Variants in FAM114A1 observed in about 807,000 individuals in gnomAD.
FAM114A1 encodes family with sequence similarity 114 member A1, also known as protein NOXP20.
Under a neutral mutation model 64.3 loss-of-function variants are expected in FAM114A1, and 62 were observed. The observed-to-expected ratio is 0.96, with a 90% CI of 0.79 to 1.19. The LOEUF is 1.19. Among genes scored for constraint, FAM114A1 ranks in the 50% most tolerant of loss-of-function variants. FAM114A1 has a pLI of 0.00. For missense variants in FAM114A1, 645 were observed against 676.3 expected (o/e 0.95, Z 0.51); for synonymous variants, 254 against 251.1 (o/e 1.01, Z -0.11).
intron 3 of FAM114A1, among the ~76,000 whole-genome samples, chr4:38,886,159 A>G (rs1300735769): frequency 6.6e-6 from 1 of 151,370 alleles, no homozygotes; most frequent in Admixed American, 6.6e-5. Flanking sequence ...AGGTGAATAC[A>G]GAAGATAAGC....
intron 13 of FAM114A1, among the ~76,000 whole-genome samples, chr4:38,940,410 G>T (rs1295522809): frequency 2.6e-5 from 4 of 152,012 alleles, no homozygotes; most frequent in Non-Finnish European, 4.4e-5. Flanking sequence ...CCAGGGCTTA[G>T]ACTAGGTTAG....
At chr4:38,918,299 G>C (rs1172782122) in intron 8 of FAM114A1, among the ~76,000 whole-genome samples, 5 of 152,134 alleles carry the variant, frequency 3.3e-5, no homozygotes, top group Non-Finnish European at 7.4e-5. Flanking sequence ...CTTCACTCCT[G>C]TAATAGTCCA....
In FAM114A1 at chr4:38,931,989, C is replaced by G. The variant is rs112848617; in HGVS notation, c.1324-246C>G. 7.0e-3 allele frequency among the ~76,000 whole-genome samples: 1,065 copies of G among 152,312 alleles called. 7 individuals carry two copies. Among genetic ancestry groups the G allele is most frequent in the African/African-American group, 0.025 (1,034 of 41,560 alleles). ...TTCTTTAGCACCTGCCTGTTTTGTA[C>G]CCAGCATTGCTGTAAGCACTGGGGA... On this transcript the variant is annotated intron_variant, in intron 11 of 14. Coordinates refer to ENST00000358869, the MANE Select transcript of FAM114A1 (RefSeq NM_138389.4).
At chr4:38,911,848 T>A (rs13120937) in intron 7 of FAM114A1, among the ~76,000 whole-genome samples, 7 of 90,144 alleles carry the variant, frequency 7.8e-5, no homozygotes, top group African/African-American at 2.8e-4. Context: ...TTTTTTCTTT[T>A]TTTTTCTTTT....
chr4:38,923,507 C>T (rs1211171556), intron 9 of FAM114A1, among the ~76,000 whole-genome samples: 7 of 152,038 alleles, frequency 4.6e-5, no homozygotes, highest in African/African-American at 1.2e-4. Flanking sequence ...AGGCATGAGC[C>T]GCCTTGCCTG....
Position 38,901,390 on chromosome 4 carries a change from C to T in FAM114A1, c.437-4132C>T, listed in dbSNP as rs191731612. Reference sequence around the variant, plus strand: ...TGCACCCATGCCTCCTGGGTTCAAGCGATTCTCCTGCCTCAGCCTCCCAAG... The same window carrying T: ...TGCACCCATGCCTCCTGGGTTCAAGTGATTCTCCTGCCTCAGCCTCCCAAG... On this transcript the variant is annotated intron_variant, in intron 4 of 14. Coordinates refer to ENST00000358869, the MANE Select transcript of FAM114A1 (RefSeq NM_138389.4). 6.6e-5 allele frequency among the ~76,000 whole-genome samples: 10 copies of T among 152,226 alleles called. No individual in the cohort carries two copies. The East Asian group carries it at 1.7e-3, about 26-fold the overall frequency.
chr4:38,898,381 G>C (rs545862682), intron 4 of FAM114A1, among the ~76,000 whole-genome samples: 1 of 152,098 alleles, frequency 6.6e-6, no homozygotes, highest in Admixed American at 6.6e-5. Flanking sequence ...TAGCAGCCCG[G>C]TCAGAAATGA....
intron 13 of FAM114A1, among the ~76,000 whole-genome samples, chr4:38,937,506 G>T (rs944860673): frequency 7.9e-5 from 12 of 152,136 alleles, no homozygotes; most frequent in Admixed American, 3.3e-4. Context: ...TGACCAATAT[G>T]ACCTCATCCT....
chr4:38,908,244 C>T (rs1461241348), intron 6 of FAM114A1, among the ~76,000 whole-genome samples: 1 of 152,018 alleles, frequency 6.6e-6, no homozygotes, highest in Non-Finnish European at 1.5e-5. Context: ...AATTTTATGT[C>T]TTAGCAATTT....
intron 13 of FAM114A1, among the ~76,000 whole-genome samples, chr4:38,939,757 C>G (rs1721436870): frequency 6.6e-6 from 1 of 152,202 alleles, no homozygotes; most frequent in African/African-American, 2.4e-5. Context: ...TGCATCCTCT[C>G]TCTCTCCAAT....
chr4:38,943,073 G>A (rs556819120), intron 14 of FAM114A1, among the ~76,000 whole-genome samples: 1 of 151,914 alleles, frequency 6.6e-6, no homozygotes, highest in East Asian at 1.9e-4. Flanking sequence ...CACGCCCGTA[G>A]TCCCAGCTAC....
chr4:38,940,470 G>T (rs966395237), intron 13 of FAM114A1, among the ~76,000 whole-genome samples: 22 of 151,752 alleles, frequency 1.4e-4, no homozygotes, highest in African/African-American at 5.1e-4. Context: ...GCCCAAAAAA[G>T]AAACAGAAAA....
At chr4:38,933,150 C>G (rs569113667) in intron 12 of FAM114A1, among the ~76,000 whole-genome samples, 2 of 152,218 alleles carry the variant, frequency 1.3e-5, no homozygotes, top group African/African-American at 4.8e-5. Flanking sequence ...CCACGCCTAG[C>G]CAGAAATAAG....
In FAM114A1 at chr4:38,924,097, T is replaced by C. The variant is rs116965916; in HGVS notation, c.1069+1204T>C. On this transcript the variant is annotated intron_variant, in intron 9 of 14. Coordinates refer to ENST00000358869, the MANE Select transcript of FAM114A1 (RefSeq NM_138389.4). ...ACATTTTCACCATTTTCTTGCTATATGGCGTTAAACAAGTTATATACCCTT... is the reference window on the plus strand; with the variant it reads ...ACATTTTCACCATTTTCTTGCTATACGGCGTTAAACAAGTTATATACCCTT... Among the ~76,000 whole-genome samples the C allele has an allele frequency of 5.6e-3, 859 of 152,324 alleles. 12 individuals are homozygous for C. The highest frequency in any genetic ancestry group is 0.047 in the South Asian group (227 of 4,830).
At chr4:38,933,702 T>G (rs1350081551) in intron 12 of FAM114A1, among the ~76,000 whole-genome samples, 1 of 152,210 alleles carries the variant, frequency 6.6e-6, no homozygotes, top group East Asian at 1.9e-4. Context: ...TTTATGCACA[T>G]GACTGTATAC....
chr4:38,933,551 A>G (rs1720838760), intron 12 of FAM114A1, among the ~76,000 whole-genome samples: 2 of 152,206 alleles, frequency 1.3e-5, no homozygotes, highest in Non-Finnish European at 2.9e-5. Context: ...AATAATAGCT[A>G]TTATCATTAG....
At chr4:38,900,368 A>T (rs190915511) in intron 4 of FAM114A1, among the ~76,000 whole-genome samples, 1 of 152,290 alleles carries the variant, frequency 6.6e-6, no homozygotes, top group East Asian at 1.9e-4. Flanking sequence ...CAGAATTACC[A>T]TATGATCCAC....
In FAM114A1 at chr4:38,943,856, G is replaced by T. The variant is rs1300658535; in HGVS notation, c.*299G>T. The T allele has an allele frequency of 2.4e-5, 6 of 253,118 alleles. No individual in the cohort carries two copies. Among genetic ancestry groups the T allele is most frequent in the African/African-American group, 8.7e-5 (4 of 45,944 alleles). 15.7% of individuals were successfully genotyped at this position (253,118 alleles called of 1,614,324 possible). A position where few individuals can be genotyped will look rare whatever the true frequency, so the allele number is the denominator to read the frequency against. ...TACAAATATTCGTGTTCATTTTCCT[G>T]GTTAAGCATGCTATATTTAGAAACT... is the stretch of plus-strand genomic sequence containing the variant. On this transcript the variant is annotated 3_prime_UTR_variant, in exon 15 of 15. Coordinates refer to ENST00000358869, the MANE Select transcript of FAM114A1 (RefSeq NM_138389.4).
At position 38,878,335 on chromosome 4, in the gene FAM114A1, T is replaced by C; in HGVS notation, c.257T>C (p.Val86Ala). The stretch of plus-strand genomic sequence containing the variant: ...CTGGAGCCCCCTCTCAATGGAGACG[T>C]GACTGAGGATACACTTGCTGAATGT... ...NALEPPLNGDVTEDTLAECID... is the reference protein window; with the variant it reads ...NALEPPLNGDATEDTLAECID... The change falls in exon 3 of 15, where the codon GTG becomes GCG. Residue 86 changes from valine (V) to alanine (A), a missense_variant. Coordinates refer to ENST00000358869, the MANE Select transcript of FAM114A1 (RefSeq NM_138389.4). The C allele has an allele frequency of 5.6e-6, 9 of 1,614,226 alleles. No homozygotes were observed. Among genetic ancestry groups the C allele is most frequent in the Non-Finnish European group, 5.9e-6 (7 of 1,180,026 alleles).
Sources: allele counts gnomAD v4.1 joint callset (sites outside exome capture counted in the v4.1 genomes callset), GRCh38; gene constraint gnomAD v4.1.1; transcripts MANE v1.5; gene names NCBI Gene and HGNC (gene_info 2026-07-23, HGNC 2026-07-21).